MGAT5: variants seen among roughly 807,000 people sequenced by gnomAD.
MGAT5 encodes the protein alpha-1,6-mannosylglycoprotein 6-beta-N-acetylglucosaminyltransferase A.
In MGAT5, 30 loss-of-function variants were observed where a neutral mutation model predicts 94.3. The observed-to-expected ratio is 0.32, with a 90% CI of 0.24 to 0.43. The LOEUF (loss-of-function observed/expected upper bound fraction) is 0.43, where lower values mean the gene tolerates loss of function less well. Ranked by LOEUF, MGAT5 falls within the 20% of genes least tolerant of loss-of-function variation. MGAT5 has a pLI of 1.00. For missense variants in MGAT5, 691 were observed against 905.5 expected, an observed-to-expected ratio of 0.76 and a Z score of 3.04; for synonymous variants, 310 against 322.9, an observed-to-expected ratio of 0.96 and a Z score of 0.43.
At chr2:134,198,592 A>G (rs922272225) in intron 1 of MGAT5, among the ~76,000 whole-genome samples, 11 of 152,316 alleles carry the variant, frequency 7.2e-5, no homozygotes, top group Admixed American at 5.2e-4. Context: ...TACTCTGTCC[A>G]TGTTCCTTAT....
chr2:134,127,014 T>C (rs1263080180), intron 1 of MGAT5: 1 of 153,756 alleles, frequency 6.5e-6, no homozygotes, highest in Non-Finnish European at 1.5e-5. Flanking sequence ...CTCTGCCTCA[T>C]GCTCTGTGTG....
At chr2:134,278,010 C>G (rs1198360703) in intron 2 of MGAT5, among the ~76,000 whole-genome samples, 2 of 152,160 alleles carry the variant, frequency 1.3e-5, no homozygotes, top group African/African-American at 4.8e-5. Context: ...ACTTGGGGCT[C>G]ATGTCATTTG....
At chr2:134,358,217 ACT>A (rs1313777766) in intron 9 of MGAT5, among the ~76,000 whole-genome samples, 3 of 151,426 alleles carry the variant, frequency 2.0e-5, no homozygotes, top group African/African-American at 4.9e-5. Context: ...GCATAAAAGA[ACT>A]CTCTGATGCT....
At chr2:134,349,471 G>T (rs745976939) in intron 8 of MGAT5, among the ~76,000 whole-genome samples, 2 of 152,162 alleles carry the variant, frequency 1.3e-5, no homozygotes, top group Non-Finnish European at 2.9e-5. Context: ...GCTCAGCTCT[G>T]GCTAGGTGCT....
intron 1 of MGAT5, among the ~76,000 whole-genome samples, chr2:134,235,301 T>C (rs1253784957): frequency 6.6e-6 from 1 of 152,232 alleles, no homozygotes; most frequent in Non-Finnish European, 1.5e-5. Flanking sequence ...CAACTCTGAC[T>C]GCACCTTAGA....
intron 14 of MGAT5, among the ~76,000 whole-genome samples, chr2:134,437,889 C>T (rs1558886887): frequency 1.3e-5 from 2 of 151,976 alleles, no homozygotes; most frequent in Non-Finnish European, 2.9e-5. Flanking sequence ...ATGGCATGTA[C>T]CTGTAACCCC....
intron 2 of MGAT5, among the ~76,000 whole-genome samples, chr2:134,282,385 T>TA (rs1684748759): frequency 6.6e-6 from 1 of 152,232 alleles, no homozygotes; most frequent in Non-Finnish European, 1.5e-5. Flanking sequence ...CCATCATCTC[T>TA]ACCTTTGAGT....
Position 134,344,940 on chromosome 2 carries a change from A to C in MGAT5, c.988A>C (p.Lys330Gln). 5 of 1,613,156 alleles carry C rather than the reference A, an allele frequency of 3.1e-6. No individual in the cohort carries two copies. The highest frequency in any genetic ancestry group is 3.4e-6 in the Non-Finnish European group (4 of 1,179,458). ...SLAELKEIMK[K>Q]VVGNRSGCPT... ...TTGCCGTTTCTCTAGAATCATGAAG[A>C]AGGTTGTAGGAAACCGATCTGGCTG... The change falls in exon 8 of 16, where the codon AAG (lysine) becomes CAG (glutamine). Residue 330 changes from lysine to glutamine, a missense_variant. Around this residue, in one of 4 missense-constraint regions of MGAT5, gnomAD observed 121 missense variants for 206.1 expected, o/e 0.59. Coordinates refer to ENST00000281923, the MANE Select transcript of MGAT5 (RefSeq NM_002410.5).
intron 8 of MGAT5, among the ~76,000 whole-genome samples, chr2:134,346,244 A>G (rs1199965178): frequency 6.6e-6 from 1 of 152,194 alleles, no homozygotes; most frequent in African/African-American, 2.4e-5. Flanking sequence ...CTTTGGATGG[A>G]AAAATATTCT....
chr2:134,255,518 T>C lies in MGAT5; in HGVS notation c.241+874T>C, dbSNP rs372244945. On this transcript the variant is annotated intron_variant, in intron 1 of 15. Transcript: ENST00000281923. ...ATACACATATATACACATATATATA[T>C]ACACACACATATATATATACATACA... Among the ~76,000 whole-genome samples, 106 of 150,740 alleles carry C rather than the reference T, an allele frequency of 7.0e-4. 1 individual carries two copies. Among genetic ancestry groups the C allele is most frequent in the East Asian group, 4.7e-3 (24 of 5,152 alleles).
chr2:134,346,555 T>C (rs916534957), intron 8 of MGAT5, among the ~76,000 whole-genome samples: 1 of 152,142 alleles, frequency 6.6e-6, no homozygotes, highest in South Asian at 2.1e-4. Flanking sequence ...TTTTAAAAAT[T>C]AGAAATTGTC....
rs537329549 is a variant in MGAT5, at chr2:134,141,666, C to T, written c.-143+21375C>T. 1.4e-4 allele frequency among the ~76,000 whole-genome samples: 21 copies of T among 152,286 alleles called. No individual in the cohort carries two copies. The East Asian group carries it at 3.5e-3, about 25-fold the overall frequency. On this transcript the variant is annotated intron_variant, in intron 1 of 16. Transcript: ENST00000409645. ...GTCCAATCTAGGGCATCAGAAAAGG[C>T]TTCCTTGAGGTGGTGGTGGCTGAAC...
At chr2:134,350,075 GA>G in intron 9 of MGAT5, 137 bp downstream of exon 9, 1 of 516,248 alleles carries the variant, frequency 1.9e-6, no homozygotes, top group Non-Finnish European at 2.8e-6. Context: ...TTTTCCTTGG[GA>G]ATTACTGAAT....
Position 134,144,373 on chromosome 2 carries a change from A to G in MGAT5, c.-143+24082A>G, listed in dbSNP as rs547218236. The stretch of plus-strand genomic sequence containing the variant: ...GGAAGAGAGAGGCGGGAGGTGCTAC[A>G]TGCTTTTAAACAACAATATCTCACA... On this transcript the variant is annotated intron_variant, in intron 1 of 16. Transcript: ENST00000409645. Among the ~76,000 whole-genome samples, 560 of 152,264 alleles carry G rather than the reference A, an allele frequency of 3.7e-3. 3 individuals are homozygous for G. Among genetic ancestry groups the G allele is most frequent in the African/African-American group, 0.013 (535 of 41,526 alleles).
chr2:134,421,730 C>G (rs866948140), intron 12 of MGAT5, among the ~76,000 whole-genome samples: 1 of 152,206 alleles, frequency 6.6e-6, no homozygotes. Context: ...TTCCCACCCA[C>G]AGACTAAGGG....
chr2:134,322,178 G>A (rs1056802390), intron 4 of MGAT5, among the ~76,000 whole-genome samples: 9 of 151,924 alleles, frequency 5.9e-5, no homozygotes, highest in East Asian at 5.9e-4. Flanking sequence ...TGACACTTCC[G>A]TGGTTTTAAA....
intron 1 of MGAT5, among the ~76,000 whole-genome samples, chr2:134,246,751 G>A (rs1167040832): frequency 6.6e-6 from 1 of 152,206 alleles, no homozygotes; most frequent in African/African-American, 2.4e-5. Flanking sequence ...AGGCCATGTA[G>A]TATTAGGCAG....
In MGAT5 at chr2:134,407,798, G is replaced by A. The variant is rs186454131; in HGVS notation, c.1530+4661G>A. On this transcript the variant is annotated intron_variant, in intron 11 of 15. Coordinates refer to ENST00000281923, the MANE Select transcript of MGAT5 (RefSeq NM_002410.5). ...TACAAGCATAAAACTTCACTGTCAC[G>A]CTGAGTGGGGCCAACAGTTCAGTTG... 8.5e-5 allele frequency among the ~76,000 whole-genome samples: 13 copies of A among 152,272 alleles called. No homozygotes were observed. The East Asian group carries it at 2.5e-3, about 29-fold the overall frequency.
intron 1 of MGAT5, among the ~76,000 whole-genome samples, chr2:134,132,581 T>C (rs1686227562): frequency 1.3e-5 from 2 of 152,264 alleles, no homozygotes; most frequent in African/African-American, 4.8e-5. Flanking sequence ...TGTTCTTCTG[T>C]TGTTTATGGC....
Sources: gnomAD v4.1 joint callset for allele counts (sites outside exome capture counted in the v4.1 genomes callset) on GRCh38, gnomAD v4.1.1 for gene constraint, gnomAD v4.1.1 regional missense constraint, MANE v1.5 for transcripts, NCBI Gene and HGNC (gene_info 2026-07-23, HGNC 2026-07-21) for gene names.